Variants in DDX3X observed in about 807,000 individuals in gnomAD.
DDX3X encodes the protein ATP-dependent RNA helicase DDX3X.
Under a neutral mutation model 52.7 loss-of-function variants are expected in DDX3X, and 4 were observed. That is an observed-to-expected ratio of 0.08 (90% CI 0.04 to 0.17). The LOEUF is 0.17. Ranked by LOEUF, DDX3X falls within the 10% of genes least tolerant of loss-of-function variation. The pLI is 1.00. For synonymous variants in DDX3X, 192 were observed against 178.1 expected (o/e 1.08, Z -0.62); for missense variants, 222 against 548.6 (o/e 0.40, Z 5.95).
At chrX:41,345,350 T>C in intron 11 of DDX3X, 26 bp downstream of exon 11, 3 of 1,202,232 alleles carry the variant, frequency 2.5e-6, no homozygotes, top group Non-Finnish European at 3.4e-6. Flanking sequence ...GCAAATTTTA[T>C]TTATTTAGAA....
rs749821499 is a variant in DDX3X, at chrX:41,337,759, C to CT, written c.103+295dup. On this transcript the variant is annotated intron_variant, in intron 2 of 16. Coordinates refer to ENST00000644876, the MANE Select transcript of DDX3X (RefSeq NM_001356.5). ...CTCCGGGTTCAAGCGATTCTCCTGC[C>CT]TCAGCCTCCCGAATAGCTGTGCCTT... 5.3e-5 allele frequency: 10 copies of CT among 190,128 alleles called. No individual in the cohort carries two copies. The East Asian group carries it at 1.0e-3, about 19-fold the overall frequency. The allele number at this position is 190,128 out of a possible 1,213,427, so 15.7% of individuals were successfully genotyped here.
At chrX:41,343,927 C>G (rs1273284662) in intron 8 of DDX3X, 103 bp from the exon 9 acceptor site, 3 of 996,800 alleles carry the variant, frequency 3.0e-6, no homozygotes, top group Non-Finnish European at 4.1e-6. Context: ...AACCAGTTTT[C>G]AAGTGTAATC....
At chrX:41,364,389 G>T (rs922767057) in exon 6 of DDX3X, 8 of 295,607 alleles carry the variant, frequency 2.7e-5, no homozygotes, top group African/African-American at 1.9e-4. Context: ...AGATGACATG[G>T]TGACACCCGT....
intron 1 of DDX3X, chrX:41,334,882 G>C (rs1049284195): frequency 2.0e-6 from 1 of 511,281 alleles, no homozygotes; most frequent in African/African-American, 2.6e-5. Flanking sequence ...GAGACGGCGG[G>C]TCTCGGGCGG....
In DDX3X at chrX:41,335,612, G is replaced by A. The variant is rs941878478; in HGVS notation, c.45+1315G>A. 2.7e-5 allele frequency: 3 copies of A among 111,885 alleles called. No homozygotes were observed. The Admixed American group carries it at 2.8e-4, about 11-fold the overall frequency. The allele number at this position is 111,885 out of a possible 1,213,427, so 9.2% of individuals were successfully genotyped here. On this transcript the variant is annotated intron_variant, in intron 1 of 16. Transcript: ENST00000644876. ...ACTACTGTCTACTGTGATTAGGGGA[G>A]CGTTGATTTCACAAACTCCGGAATA...
At chrX:41,341,230 C>CT (rs2063845738) in intron 3 of DDX3X, 1 of 256,548 alleles carries the variant, frequency 3.9e-6, no homozygotes, top group Non-Finnish European at 6.9e-6. Context: ...GGTGACCTGC[C>CT]CGCCTTGGCC....
chrX:41,334,724 C>T (rs2063735063), intron 1 of DDX3X: 1 of 988,077 alleles, frequency 1.0e-6, no homozygotes, highest in Non-Finnish European at 1.3e-6. Flanking sequence ...GATTCCCGTC[C>T]GGAGGACCTG....
chrX:41,340,164 C>T (rs1032187681), intron 3 of DDX3X: 4 of 111,902 alleles, frequency 3.6e-5, no homozygotes, highest in African/African-American at 1.3e-4. Context: ...CCGCCTCAGC[C>T]TCCCAAAGTG....
In DDX3X at chrX:41,342,809, C is replaced by T. The variant is rs1436579284; in HGVS notation, c.516C>T (p.Gly172=). ...ATGACATTCCAGTTGAGGCAACAGG[C>T]AACAACTGTCCTCCACATATTGAAA... ...KYDDIPVEAT[G]NNCPPHIESF... Residue 172 remains glycine (G), a synonymous_variant, in exon 6 of 17, where the codon GGC becomes GGT. Transcript: ENST00000644876. The T allele has an allele frequency of 8.3e-7, 1 of 1,207,434 alleles. No homozygotes were observed. Among genetic ancestry groups the T allele is most frequent in the South Asian group, 1.8e-5 (1 of 56,920 alleles).
At chrX:41,343,861 T>C in intron 8 of DDX3X, 39 bp downstream of exon 8, 2 of 1,122,028 alleles carry the variant, frequency 1.8e-6, no homozygotes, top group African/African-American at 1.8e-5. Flanking sequence ...TGTAGAACTT[T>C]GTAGGTGGCC....
chrX:41,342,219 C>T (rs972230392), intron 4 of DDX3X: 3 of 273,357 alleles, frequency 1.1e-5, no homozygotes, highest in Non-Finnish European at 1.9e-5. Context: ...AGCTGTGTGC[C>T]GATTTCAAAT....
chrX:41,358,266 C>T (rs1042390900), intron 5 of DDX3X, among the ~76,000 whole-genome samples: 1 of 108,385 alleles, frequency 9.2e-6, no homozygotes, highest in Admixed American at 1.0e-4. Context: ...TTAGTAGAGA[C>T]AGAGTTTCTC....
chrX:41,347,674 T>C lies in DDX3X; in HGVS notation c.1944T>C (p.Tyr648=), dbSNP rs779146909. Residue 648 remains tyrosine, a synonymous_variant, in exon 17 of 17, where the codon TAT becomes TAC. Coordinates refer to ENST00000644876, the MANE Select transcript of DDX3X (RefSeq NM_001356.5). ...GYGGFYNSDG[Y]GGNYNSQGVD... is the part of the protein sequence containing the mutation. The stretch of plus-strand genomic sequence containing the variant: ...GAGGCTTTTACAACAGTGATGGATA[T>C]GGAGGAAATTATAACTCCCAGGGGG... The C allele has an allele frequency of 2.5e-6, 3 of 1,200,767 alleles. No individual in the cohort carries two copies. The Admixed American group carries it at 6.8e-5, about 27-fold the overall frequency.
chrX:41,364,395 C>T (rs1301179254), exon 6 of DDX3X: 3 of 297,000 alleles, frequency 1.0e-5, no homozygotes, highest in Admixed American at 1.2e-4. Context: ...CATGGTGACA[C>T]CCGTGCCCAG....
intron 1 of DDX3X, chrX:41,334,580 C>T (rs1374556344): frequency 1.9e-5 from 21 of 1,082,690 alleles, no homozygotes; most frequent in Non-Finnish European, 2.3e-5. Flanking sequence ...CGCGCGCTCT[C>T]GCGGGGACGC....
At chrX:41,334,115 C>A (rs1239782240), upstream of DDX3X, 1 of 570,286 alleles carries the variant, frequency 1.8e-6, no homozygotes, top group Non-Finnish European at 2.9e-6. Flanking sequence ...CTGACGTAGC[C>A]GGCTTTCCAG....
At chrX:41,334,160 C>T, upstream of DDX3X, 2 of 975,159 alleles carry the variant, frequency 2.1e-6, no homozygotes, top group Non-Finnish European at 2.9e-6. Context: ...GCGGTGCGCT[C>T]CAGAGCCGCA....
intron 5 of DDX3X, among the ~76,000 whole-genome samples, chrX:41,362,250 G>A (rs186709222): frequency 1.8e-5 from 2 of 109,874 alleles, no homozygotes; most frequent in Non-Finnish European, 1.9e-5. Context: ...CACCACGCCC[G>A]GCTAATTTTT....
chrX:41,358,910 C>G (rs2064018806), intron 5 of DDX3X, among the ~76,000 whole-genome samples: 1 of 111,509 alleles, frequency 9.0e-6, no homozygotes, highest in Non-Finnish European at 1.9e-5. Flanking sequence ...AGGTGCCCAC[C>G]ACCACTCCTG....
Sources: allele counts gnomAD v4.1 joint callset (sites outside exome capture counted in the v4.1 genomes callset), GRCh38; gene constraint gnomAD v4.1.1; transcripts MANE v1.5; gene names NCBI Gene and HGNC (gene_info 2026-07-23, HGNC 2026-07-21).